RUNX1: variants seen among roughly 807,000 people sequenced by gnomAD.
RUNX1 encodes RUNX family transcription factor 1.
RUNX1 carries 19 observed loss-of-function variants against 42.8 expected under a neutral mutation model. The ratio of observed to expected loss-of-function variants is 0.44; its 90% CI spans 0.31 to 0.65. The LOEUF is 0.65. RUNX1 is among the 30% of genes least tolerant of loss of function. The pLI is 0.07. For synonymous variants in RUNX1, 271 were observed against 289.4 expected, an observed-to-expected ratio of 0.94 and a Z score of 0.64; for missense variants, 528 against 672.0, an observed-to-expected ratio of 0.79 and a Z score of 2.37.
At chr21:34,880,753 G>A (rs1204736733) in intron 4 of RUNX1, 40 bp from the exon 5 acceptor site, 1 of 1,603,874 alleles carries the variant, frequency 6.2e-7, no homozygotes, top group Admixed American at 1.7e-5. Context: ...CATCAGGGAT[G>A]TTATACATAC....
intron 2 of RUNX1, among the ~76,000 whole-genome samples, chr21:34,983,722 T>TG (rs1260954859): frequency 2.0e-5 from 3 of 151,998 alleles, no homozygotes; most frequent in East Asian, 3.8e-4. Flanking sequence ...TGGTGTGTTG[T>TG]GGGGGGAAAA....
At position 34,792,240 on chromosome 21, in the gene RUNX1, G is replaced by C. The variant is rs769628054; in HGVS notation, c.1338C>G (p.Leu446=). 6.5e-7 allele frequency: 1 copy of C among 1,539,882 alleles called. No homozygotes were observed. The highest frequency in any genetic ancestry group is 8.7e-7 in the Non-Finnish European group (1 of 1,148,246). ...CCTCCACCACGTCGCTCTGGTTCGGGAGGCTGGGGTTGAGCAGCGCGGAGC... is the reference window on the plus strand; with the variant it reads ...CCTCCACCACGTCGCTCTGGTTCGGCAGGCTGGGGTTGAGCAGCGCGGAGC... The part of the protein sequence containing the change: ...STGSALLNPS[L]PNQSDVVEAE... Residue 446 remains leucine, a synonymous_variant, in exon 9 of 9, where the codon CTC becomes CTG. Transcript: ENST00000675419. The surrounding 1 kb of genome is among the most constrained non-coding windows in gnomAD (Gnocchi z 6.9).
intron 6 of RUNX1, among the ~76,000 whole-genome samples, chr21:34,850,191 C>T (rs1457406347): frequency 6.6e-6 from 1 of 152,196 alleles, no homozygotes; most frequent in Non-Finnish European, 1.5e-5. Context: ...CTGCCAACCG[C>T]AATCCATCTG....
intron 2 of RUNX1, among the ~76,000 whole-genome samples, chr21:34,966,629 A>G (rs1462601053): frequency 6.6e-6 from 1 of 152,208 alleles, no homozygotes; most frequent in Non-Finnish European, 1.5e-5. Context: ...CCCACCAATC[A>G]ATGACAACTT....
intron 2 of RUNX1, among the ~76,000 whole-genome samples, chr21:35,004,924 AGG>A (rs1020713494): frequency 1.3e-5 from 2 of 152,026 alleles, no homozygotes; most frequent in Non-Finnish European, 2.9e-5. Context: ...TCTTATCAGC[AGG>A]GGACTTTGAT....
intron 5 of RUNX1, among the ~76,000 whole-genome samples, chr21:34,876,867 CTTTTTTT>C (rs2057821741): frequency 7.6e-6 from 1 of 131,434 alleles, no homozygotes; most frequent in African/African-American, 2.8e-5. Context: ...TTTCTTTTTT[CTTTTTTT>C]AGATGGAGTT....
chr21:34,889,302 G>A (rs2058046436), intron 3 of RUNX1, among the ~76,000 whole-genome samples: 1 of 152,100 alleles, frequency 6.6e-6, no homozygotes, highest in Non-Finnish European at 1.5e-5. Context: ...GCGAAGCGGC[G>A]CTGATTCCTT....
intron 8 of RUNX1, among the ~76,000 whole-genome samples, chr21:34,797,535 AAGG>A: frequency 6.6e-6 from 1 of 152,356 alleles, no homozygotes; most frequent in African/African-American, 2.4e-5. Flanking sequence ...GGAACATTTG[AAGG>A]AGAACAGGCA....
intron 3 of RUNX1, chr21:34,889,840 T>C: frequency 9.0e-7 from 1 of 1,107,768 alleles, no homozygotes; most frequent in South Asian, 2.9e-5. Context: ...CCCGTCACCA[T>C]GAGTCCCTCC....
intron 4 of RUNX1, among the ~76,000 whole-genome samples, chr21:34,882,458 C>G (rs1232459121): frequency 1.3e-5 from 2 of 152,118 alleles, no homozygotes; most frequent in Non-Finnish European, 2.9e-5. Flanking sequence ...AGGTCTGGGC[C>G]TTTTCTCTCT....
intron 5 of RUNX1, among the ~76,000 whole-genome samples, chr21:34,870,383 A>C (rs1234880267): frequency 6.6e-6 from 1 of 152,240 alleles, no homozygotes; most frequent in African/African-American, 2.4e-5. Context: ...AGCTTGTTCA[A>C]GGACAGATAG....
At chr21:34,819,643 G>A (rs1010568269) in intron 7 of RUNX1, among the ~76,000 whole-genome samples, 3 of 152,242 alleles carry the variant, frequency 2.0e-5, no homozygotes, top group African/African-American at 7.2e-5. Context: ...TCACAGGGAT[G>A]CCTTCATCTG....
intron 2 of RUNX1, among the ~76,000 whole-genome samples, chr21:34,965,206 A>ACACACAGCCT (rs1275707122): frequency 1.3e-5 from 2 of 152,048 alleles, no homozygotes; most frequent in Admixed American, 6.6e-5. Flanking sequence ...GCACGTGCAC[A>ACACACAGCCT]CACACAGCCT....
intron 5 of RUNX1, among the ~76,000 whole-genome samples, chr21:34,864,228 G>A (rs1429301608): frequency 6.6e-6 from 1 of 152,210 alleles, no homozygotes; most frequent in Non-Finnish European, 1.5e-5. Context: ...CGGGGCACAC[G>A]TGTTATGAGC....
At position 34,845,353 on chromosome 21, in the gene RUNX1, C is replaced by T. The variant is rs146127756; in HGVS notation, c.614-10752G>A. On this transcript the variant is annotated intron_variant, in intron 6 of 8. Transcript: ENST00000675419. The stretch of plus-strand genomic sequence containing the variant: ...GACAGGGATGGAGGGCAAGGATGGA[C>T]GCCCAGGACAGCCTTCTGTCCGGCA... 5.3e-3 allele frequency among the ~76,000 whole-genome samples: 801 copies of T among 152,320 alleles called. 8 individuals are homozygous for T. Among genetic ancestry groups the T allele is most frequent in the South Asian group, 0.013 (63 of 4,830 alleles).
chr21:34,875,541 C>T (rs2057802004), intron 5 of RUNX1, among the ~76,000 whole-genome samples: 1 of 152,122 alleles, frequency 6.6e-6, no homozygotes, highest in Non-Finnish European at 1.5e-5. Flanking sequence ...TAATATAACT[C>T]ATGTCTTTTC....
At chr21:34,826,434 CTTT>C (rs772880673) in intron 7 of RUNX1, among the ~76,000 whole-genome samples, 19 of 105,348 alleles carry the variant, frequency 1.8e-4, no homozygotes, top group South Asian at 6.9e-4. Context: ...TTCTTTCTTT[CTTT>C]TTTTTTTTTT....
intron 2 of RUNX1, chr21:35,038,572 C>CCTCTCTCTCTCTCTCTCTCTCT (rs59976658): frequency 4.1e-6 from 1 of 243,246 alleles, no homozygotes; most frequent in Non-Finnish European, 8.0e-6. Context: ...TGAATGCTGG[C>CCTCTCTCTCTCTCTCTCTCTCT]CTCTCTCTCT....
At chr21:34,824,486 T>C (rs1272928419) in intron 7 of RUNX1, among the ~76,000 whole-genome samples, 2 of 152,216 alleles carry the variant, frequency 1.3e-5, no homozygotes, top group African/African-American at 2.4e-5. Flanking sequence ...GAAAAGAAAC[T>C]GGGTTTGTCA....
Sources: allele counts gnomAD v4.1 joint callset (sites outside exome capture counted in the v4.1 genomes callset), GRCh38; gene constraint gnomAD v4.1.1; non-coding constraint Gnocchi (gnomAD v3.1); transcripts MANE v1.5; gene names NCBI Gene and HGNC (gene_info 2026-07-23, HGNC 2026-07-21).